GGA1: variants seen among roughly 807,000 people sequenced by gnomAD.
GGA1 encodes the protein ADP-ribosylation factor-binding protein GGA1.
GGA1 carries 18 observed loss-of-function variants against 76.9 expected under a neutral mutation model. The ratio of observed to expected loss-of-function variants is 0.23; its 90% CI spans 0.16 to 0.35. GGA1 has a LOEUF of 0.35. Among genes scored for constraint, GGA1 ranks in the 10% least tolerant of loss-of-function variants. GGA1 has a pLI of 1.00. For synonymous variants in GGA1, 342 were observed against 354.7 expected (o/e 0.96, Z 0.40); for missense variants, 755 against 859.0 (o/e 0.88, Z 1.51).
chr22:37,627,864 G>A (rs1226452650), intron 11 of GGA1, among the ~76,000 whole-genome samples: 2 of 152,232 alleles, frequency 1.3e-5, no homozygotes, highest in Admixed American at 6.5e-5. Flanking sequence ...CACGGCAGGG[G>A]TGGGAGACAG....
intron 2 of GGA1, 65 bp from the exon 3 acceptor site, chr22:37,616,857 G>T: frequency 8.8e-6 from 13 of 1,482,776 alleles, no homozygotes; most frequent in South Asian, 2.7e-5. Flanking sequence ...GCGGCCTGGG[G>T]TCGTGGCCCT....
chr22:37,612,982 C>T, intron 1 of GGA1: 1 of 985,384 alleles, frequency 1.0e-6, no homozygotes, highest in Non-Finnish European at 1.2e-6. Context: ...CAGAACCTCA[C>T]CCTTTGCCTG....
chr22:37,622,014 T>G (rs1013259477), intron 7 of GGA1, among the ~76,000 whole-genome samples: 2 of 152,078 alleles, frequency 1.3e-5, no homozygotes. Context: ...CTAAGTATTT[T>G]TAAAATTATT....
rs778590114 is a variant in GGA1, at chr22:37,632,377, C to T, written c.1699-28C>T. 1 of 1,495,600 alleles carries T rather than the reference C, an allele frequency of 6.7e-7. No homozygotes were observed. The highest frequency in any genetic ancestry group is 9.3e-7 in the Non-Finnish European group (1 of 1,072,184). The allele number at this position is 1,495,600 out of a possible 1,614,324, so 92.6% of individuals were successfully genotyped here. On this transcript the variant is annotated intron_variant, in intron 15 of 16. Coordinates refer to ENST00000343632, the MANE Select transcript of GGA1 (RefSeq NM_013365.5). The surrounding 1 kb of genome is among the most constrained non-coding windows in gnomAD (Gnocchi z 5.1). ...GAGCAGGACAAGCAGCCAGGGCTAG[C>T]TGTGCCCATCCTGCCATCTGCCCAC...
chr22:37,629,953 A>C (rs1601558157), intron 12 of GGA1, 45 bp from the exon 13 acceptor site: 1 of 1,329,066 alleles, frequency 7.5e-7, no homozygotes, highest in South Asian at 1.4e-5. Flanking sequence ...TGATGCTGAC[A>C]CCTCTCTAGA....
intron 1 of GGA1, among the ~76,000 whole-genome samples, chr22:37,611,145 A>G (rs772662907): frequency 4.6e-5 from 7 of 152,180 alleles, no homozygotes; most frequent in Non-Finnish European, 7.4e-5. Flanking sequence ...GAGGCAGAGT[A>G]GACAGTTACC....
At position 37,609,263 on chromosome 22, in the gene GGA1, C is replaced by T. The variant is rs144753507; in HGVS notation, c.43+360C>T. 4.9e-3 allele frequency: 5,658 copies of T among 1,152,130 alleles called. 18 individuals are homozygous for T. The highest frequency in any genetic ancestry group is 5.6e-3 in the Non-Finnish European group (5,124 of 921,844). 71.4% of individuals were successfully genotyped at this position (1,152,130 alleles called of 1,614,324 possible). ...GGGAAGGAGCACGCGAGCGGTTCCC[C>T]GGGGTTGCATCTCACACCCGGGAGG... is the stretch of plus-strand genomic sequence containing the variant. On this transcript the variant is annotated intron_variant, in intron 1 of 16. Transcript: ENST00000343632.
intron 2 of GGA1, among the ~76,000 whole-genome samples, chr22:37,615,191 A>G (rs1039002741): frequency 1.3e-5 from 2 of 152,186 alleles, no homozygotes; most frequent in African/African-American, 4.8e-5. Context: ...CACGCCTGTA[A>G]TCCCAGCACT....
chr22:37,627,801 C>G (rs990285105), intron 11 of GGA1, among the ~76,000 whole-genome samples: 3 of 152,220 alleles, frequency 2.0e-5, no homozygotes, highest in Non-Finnish European at 4.4e-5. Flanking sequence ...GCAGCCTGGG[C>G]CTGGGGAATG....
intron 11 of GGA1, chr22:37,626,930 G>A (rs930569094): frequency 1.3e-5 from 2 of 152,302 alleles, no homozygotes; most frequent in Non-Finnish European, 2.9e-5. Context: ...GGGAGGCCAA[G>A]GCAGAGGGAT....
Position 37,625,979 on chromosome 22 carries a change from C to A in GGA1, c.1093+30C>A. On this transcript the variant is annotated intron_variant, in intron 11 of 16. Transcript: ENST00000343632. The surrounding 1 kb of genome is among the most constrained non-coding windows in gnomAD (Gnocchi z 4.1). The stretch of plus-strand genomic sequence containing the variant: ...GGAAGGGGCCAGGCCTGGAGGAGGG[C>A]GGGCTCAGCAGCAGATGGGGCATGA... 1 of 1,537,234 alleles carries A rather than the reference C, an allele frequency of 6.5e-7. No homozygotes were observed. Among genetic ancestry groups the A allele is most frequent in the South Asian group, 1.2e-5 (1 of 84,910 alleles).
At chr22:37,614,843 G>A (rs1161724726) in intron 2 of GGA1, among the ~76,000 whole-genome samples, 1 of 152,210 alleles carries the variant, frequency 6.6e-6, no homozygotes. Flanking sequence ...GCTGGGCGTG[G>A]TGGCACGTGC....
chr22:37,615,506 C>T (rs141037023), intron 2 of GGA1, among the ~76,000 whole-genome samples: 2,961 of 152,094 alleles, frequency 0.019, 100 homozygotes, highest in African/African-American at 0.068. Context: ...TGGCTTACGT[C>T]TATAATCCCA....
intron 1 of GGA1, among the ~76,000 whole-genome samples, chr22:37,609,887 C>T (rs771891415): frequency 6.7e-4 from 102 of 152,210 alleles, no homozygotes; most frequent in Non-Finnish European, 1.1e-3. Flanking sequence ...GGTTTGGGGT[C>T]ATGGCCGGCC....
Position 37,632,263 on chromosome 22 carries a change from C to T in GGA1, c.1698+98C>T. On this transcript the variant is annotated intron_variant, in intron 15 of 16. Coordinates refer to ENST00000343632, the MANE Select transcript of GGA1 (RefSeq NM_013365.5). This position sits in a 1 kb window ranked among gnomAD's most constrained non-coding sequence, Gnocchi z 5.1. ...ACCTGTCAGGGGGCAGGTCTCCCTC[C>T]CTTGCTGGGTGGTTGGTGTAGAAGG... 1.5e-6 allele frequency: 2 copies of T among 1,352,738 alleles called. No individual in the cohort carries two copies. Among genetic ancestry groups the T allele is most frequent in the Admixed American group, 3.6e-5 (2 of 55,742 alleles). The allele number at this position is 1,352,738 out of a possible 1,614,324, so 83.8% of individuals were successfully genotyped here. A position where few individuals can be genotyped will look rare whatever the true frequency, so the allele number is the denominator to read the frequency against.
intron 6 of GGA1, among the ~76,000 whole-genome samples, chr22:37,621,391 G>A (rs1384244488): frequency 1.3e-5 from 2 of 152,202 alleles, no homozygotes; most frequent in South Asian, 2.1e-4. Flanking sequence ...ACCATTTGTT[G>A]ATTACTTATT....
rs1478990840 is a variant in GGA1 at position 37,630,041 on chromosome 22, C to T, written c.1202C>T (p.Ala401Val). The change falls in exon 13 of 17, where the codon GCC (alanine) becomes GTC (valine). Residue 401 changes from alanine (A) to valine (V), a missense_variant. Physicochemically the swap from Ala to Val is moderately conservative, Grantham distance 64 (BLOSUM62 0). Transcript: ENST00000343632. ...TEPPAPALAQAPSMESRPPAQ... is the reference protein window; with the variant it reads ...TEPPAPALAQVPSMESRPPAQ... Reference sequence around the variant, plus strand: ...CCCCCAGCCCCTGCTCTGGCCCAGGCCCCCAGTATGGAAAGCCGACCCCCA... The same window carrying T: ...CCCCCAGCCCCTGCTCTGGCCCAGGTCCCCAGTATGGAAAGCCGACCCCCA... 1 of 1,598,270 alleles carries T rather than the reference C, an allele frequency of 6.3e-7. No homozygotes were observed. Among genetic ancestry groups the T allele is most frequent in the Non-Finnish European group, 8.5e-7 (1 of 1,169,638 alleles).
intron 11 of GGA1, 171 bp downstream of exon 11, chr22:37,626,120 TAGG>T (rs776109753): frequency 3.8e-4 from 173 of 460,926 alleles, no homozygotes; most frequent in Non-Finnish European, 8.4e-5. Flanking sequence ...TCGGGGAAGT[TAGG>T]AGCTTGTGCG....
At chr22:37,621,876 T>C (rs1375599018) in intron 7 of GGA1, among the ~76,000 whole-genome samples, 180 bp downstream of exon 7, 1 of 152,032 alleles carries the variant, frequency 6.6e-6, no homozygotes, top group Non-Finnish European at 1.5e-5. Context: ...GCAGCCTGGG[T>C]GACTTGCTCT....
Sources: gnomAD v4.1 joint callset for allele counts (sites outside exome capture counted in the v4.1 genomes callset) on GRCh38, gnomAD v4.1.1 for gene constraint, Gnocchi (gnomAD v3.1) non-coding constraint, MANE v1.5 for transcripts, NCBI Gene and HGNC (gene_info 2026-07-23, HGNC 2026-07-21) for gene names.